The following CHCHD3 variants were observed in gnomAD, a reference collection of about 807,000 sequenced individuals.
CHCHD3 encodes MICOS complex subunit MIC19.
A neutral mutation model predicts 38.2 loss-of-function variants in CHCHD3; 20 were observed. The ratio of observed to expected loss-of-function variants is 0.52; its 90% CI spans 0.37 to 0.76. CHCHD3 has a LOEUF of 0.76. CHCHD3 is among the 30% of genes least tolerant of loss of function. The pLI, the probability that CHCHD3 is intolerant of heterozygous loss-of-function variation, is 0.00. For synonymous variants in CHCHD3, 82 were observed against 100.0 expected, an observed-to-expected ratio of 0.82 and a Z score of 1.07; for missense variants, 245 against 279.2, an observed-to-expected ratio of 0.88 and a Z score of 0.87.
At chr7:132,842,992 C>A (rs1807979813) in intron 5 of CHCHD3, among the ~76,000 whole-genome samples, 1 of 152,148 alleles carries the variant, frequency 6.6e-6, no homozygotes, top group South Asian at 2.1e-4. Context: ...GTCCTGCCTG[C>A]AGCAATGATT....
At chr7:132,811,742 T>C (rs573762083) in intron 6 of CHCHD3, among the ~76,000 whole-genome samples, 1 of 152,350 alleles carries the variant, frequency 6.6e-6, no homozygotes, top group Non-Finnish European at 1.5e-5. Context: ...TCCATAATAC[T>C]ACACTCTCCT....
intron 4 of CHCHD3, among the ~76,000 whole-genome samples, chr7:132,933,525 T>C (rs941662584): frequency 6.6e-6 from 1 of 152,192 alleles, no homozygotes; most frequent in Non-Finnish European, 1.5e-5. Context: ...TGAAAAATAC[T>C]AGGTCCCAAT....
intron 1 of CHCHD3, among the ~76,000 whole-genome samples, chr7:133,071,443 T>C (rs1410052748): frequency 6.6e-6 from 1 of 152,150 alleles, no homozygotes; most frequent in Non-Finnish European, 1.5e-5. Context: ...TTGAAACAGT[T>C]TGAACTTGAC....
At chr7:132,812,793 A>G (rs1199957418) in intron 6 of CHCHD3, among the ~76,000 whole-genome samples, 1 of 152,202 alleles carries the variant, frequency 6.6e-6, no homozygotes, top group Non-Finnish European at 1.5e-5. Flanking sequence ...ACTAGGTCCT[A>G]CAAGATGTAA....
chr7:132,957,978 G>C (rs985053217), intron 4 of CHCHD3, among the ~76,000 whole-genome samples: 1 of 151,948 alleles, frequency 6.6e-6, no homozygotes, highest in African/African-American at 2.4e-5. Flanking sequence ...TCAACCAATG[G>C]GCCAAATTAT....
At chr7:133,021,382 C>T (rs1813173837) in intron 3 of CHCHD3, among the ~76,000 whole-genome samples, 1 of 152,190 alleles carries the variant, frequency 6.6e-6, no homozygotes, top group African/African-American at 2.4e-5. Flanking sequence ...ATGGAATGCT[C>T]ATCATGATTT....
At chr7:132,785,903 C>T (rs962795872) in intron 7 of CHCHD3, among the ~76,000 whole-genome samples, 6 of 152,156 alleles carry the variant, frequency 3.9e-5, no homozygotes, top group African/African-American at 1.2e-4. Flanking sequence ...CAAGGCCGGG[C>T]GCAGTAGCTC....
intron 3 of CHCHD3, among the ~76,000 whole-genome samples, chr7:132,980,560 G>A (rs79002883): frequency 0.017 from 2,615 of 152,250 alleles, 34 homozygotes; most frequent in Non-Finnish European, 0.025. Context: ...TTTGCATTAA[G>A]TAATTGGATA....
At chr7:132,942,296 T>C (rs1216769959) in intron 4 of CHCHD3, among the ~76,000 whole-genome samples, 2 of 152,106 alleles carry the variant, frequency 1.3e-5, no homozygotes, top group African/African-American at 4.8e-5. Flanking sequence ...AGAACACGGG[T>C]TGATGTAATT....
At chr7:132,840,673 TACATCA>T (rs1807917854) in intron 5 of CHCHD3, among the ~76,000 whole-genome samples, 1 of 152,108 alleles carries the variant, frequency 6.6e-6, no homozygotes, top group African/African-American at 2.4e-5. Flanking sequence ...TTTCACAGAG[TACATCA>T]ACATCTCAAT....
chr7:132,923,208 C>T (rs1276874888), intron 4 of CHCHD3, among the ~76,000 whole-genome samples: 1 of 151,964 alleles, frequency 6.6e-6, no homozygotes, highest in Non-Finnish European at 1.5e-5. Context: ...ACCAATAGGC[C>T]CTTCTAATAA....
chr7:132,987,537 T>G (rs1159371458), intron 3 of CHCHD3, among the ~76,000 whole-genome samples: 1 of 152,174 alleles, frequency 6.6e-6, no homozygotes, highest in East Asian at 1.9e-4. Flanking sequence ...GACGACATTA[T>G]GGTGATGAGT....
intron 4 of CHCHD3, among the ~76,000 whole-genome samples, chr7:132,895,223 T>A (rs1338970711): frequency 6.6e-6 from 1 of 152,224 alleles, no homozygotes; most frequent in Non-Finnish European, 1.5e-5. Flanking sequence ...TACCTCAGAA[T>A]TGATCCCTAA....
chr7:132,932,379 A>G (rs1810534664), intron 4 of CHCHD3, among the ~76,000 whole-genome samples: 3 of 152,246 alleles, frequency 2.0e-5, no homozygotes, highest in African/African-American at 7.2e-5. Context: ...GGGACACAGA[A>G]AAGAATCAAG....
chr7:132,879,716 TAAAAAAAAAAA>T (rs56259114), intron 5 of CHCHD3, among the ~76,000 whole-genome samples: 4 of 38,432 alleles, frequency 1.0e-4, no homozygotes, highest in South Asian at 1.8e-3. Flanking sequence ...TTGTCAAAAG[TAAAAAAAAAAA>T]AAAAAAAAAA....
chr7:132,989,727 T>C (rs992634357), intron 3 of CHCHD3, among the ~76,000 whole-genome samples: 1 of 152,172 alleles, frequency 6.6e-6, no homozygotes, highest in African/African-American at 2.4e-5. Context: ...TCTCAGAAAT[T>C]CACAACCAAA....
intron 4 of CHCHD3, among the ~76,000 whole-genome samples, chr7:132,917,023 T>C (rs928264178): frequency 6.6e-6 from 1 of 152,178 alleles, no homozygotes; most frequent in Non-Finnish European, 1.5e-5. Flanking sequence ...TAAGGGAAGA[T>C]TACTGCATTT....
intron 1 of CHCHD3, among the ~76,000 whole-genome samples, chr7:133,078,094 G>C (rs555506152): frequency 6.6e-6 from 1 of 152,266 alleles, no homozygotes; most frequent in Non-Finnish European, 1.5e-5. Context: ...GATCACTTGA[G>C]GTCAGGAGTT....
At chr7:132,945,105 C>T (rs1278995156) in intron 4 of CHCHD3, among the ~76,000 whole-genome samples, 2 of 151,976 alleles carry the variant, frequency 1.3e-5, no homozygotes. Context: ...TGTCTAACGG[C>T]ATTGGTTAGT....
Sources: gnomAD v4.1 joint callset for allele counts (sites outside exome capture counted in the v4.1 genomes callset) on GRCh38, gnomAD v4.1.1 for gene constraint, MANE v1.5 for transcripts, NCBI Gene and HGNC (gene_info 2026-07-23, HGNC 2026-07-21) for gene names.